FRMD4A: variants seen among roughly 807,000 people sequenced by gnomAD.
FRMD4A encodes FERM domain containing 4A, also known as FERM domain-containing protein 4A.
Under a neutral mutation model 129.1 loss-of-function variants are expected in FRMD4A, and 29 were observed. The observed-to-expected ratio is 0.22, with a 90% CI of 0.17 to 0.31. The LOEUF (loss-of-function observed/expected upper bound fraction) is 0.31, where lower values mean the gene tolerates loss of function less well. FRMD4A is among the 10% of genes least tolerant of loss of function. FRMD4A has a pLI of 1.00. For missense variants in FRMD4A, 1,272 were observed against 1,375.8 expected (o/e 0.92, Z 1.19); for synonymous variants, 634 against 571.6 (o/e 1.11, Z -1.56).
At chr10:14,313,116 G>A (rs1846614203) in intron 2 of FRMD4A, among the ~76,000 whole-genome samples, 1 of 152,016 alleles carries the variant, frequency 6.6e-6, no homozygotes, top group Non-Finnish European at 1.5e-5. Flanking sequence ...ATTTTGGGAG[G>A]CTGACATGGT....
At chr10:14,253,272 C>T (rs1284271934) in intron 2 of FRMD4A, among the ~76,000 whole-genome samples, 1 of 152,214 alleles carries the variant, frequency 6.6e-6, no homozygotes, top group African/African-American at 2.4e-5. Context: ...CAGAATCTGA[C>T]AGTGAGAAAC....
chr10:13,767,773 G>A, intron 6 of FRMD4A, among the ~76,000 whole-genome samples: 1 of 152,168 alleles, frequency 6.6e-6, no homozygotes, highest in Admixed American at 6.5e-5. Context: ...CTGCGCTTAT[G>A]CAATCCACAG....
rs145935036 is a variant in FRMD4A, at chr10:13,969,592, T to A, written c.46-110680A>T. Among the ~76,000 whole-genome samples the A allele has an allele frequency of 3.2e-4, 48 of 152,346 alleles. No individual in the cohort carries two copies. In the East Asian group the frequency reaches 8.9e-3, roughly 28 times the overall value. On this transcript the variant is annotated intron_variant, in intron 2 of 24. Coordinates refer to ENST00000357447, the MANE Select transcript of FRMD4A (RefSeq NM_018027.5). ...AGTGCCAGATGTGGTGGCCGACACC[T>A]GTTATCCCAGCGCTTTGGGAGGCCG...
At chr10:14,173,648 A>C (rs2131888959) in intron 2 of FRMD4A, among the ~76,000 whole-genome samples, 1 of 152,248 alleles carries the variant, frequency 6.6e-6, no homozygotes, top group South Asian at 2.1e-4. Flanking sequence ...TCCTCCTGCT[A>C]AACAGCAATA....
At chr10:13,902,204 TG>T (rs2094827697) in intron 2 of FRMD4A, among the ~76,000 whole-genome samples, 2 of 152,136 alleles carry the variant, frequency 1.3e-5, no homozygotes, top group South Asian at 2.1e-4. Context: ...TAAATTTTTT[TG>T]TAAAGATGGG....
chr10:14,024,824 T>TG (rs1832915092), intron 2 of FRMD4A, among the ~76,000 whole-genome samples: 1 of 152,220 alleles, frequency 6.6e-6, no homozygotes, highest in African/African-American at 2.4e-5. Flanking sequence ...TGGAATAGAC[T>TG]GTCTGACTCT....
chr10:14,176,096 C>G (rs1841715622), intron 2 of FRMD4A, among the ~76,000 whole-genome samples: 1 of 152,154 alleles, frequency 6.6e-6, no homozygotes, highest in South Asian at 2.1e-4. Flanking sequence ...TTCTTCTATT[C>G]ATGTAGTCAT....
chr10:13,818,299 G>T (rs988535695), intron 3 of FRMD4A, among the ~76,000 whole-genome samples: 6 of 151,922 alleles, frequency 3.9e-5, no homozygotes, highest in East Asian at 1.9e-4. Flanking sequence ...AGTAGGGGGG[G>T]ACTACAGGTA....
intron 4 of FRMD4A, among the ~76,000 whole-genome samples, chr10:13,803,588 T>C (rs1402870451): frequency 6.6e-6 from 1 of 151,990 alleles, no homozygotes; most frequent in Non-Finnish European, 1.5e-5. Context: ...TCTTCCCACC[T>C]CAGCCTCCCA....
chr10:13,785,934 C>T (rs1233145659), intron 5 of FRMD4A, among the ~76,000 whole-genome samples: 7 of 152,212 alleles, frequency 4.6e-5, no homozygotes, highest in Non-Finnish European at 8.8e-5. Context: ...ATCCATGTCC[C>T]TACAAAGCAC....
At chr10:14,058,882 T>G (rs1246821218) in intron 2 of FRMD4A, among the ~76,000 whole-genome samples, 1 of 152,142 alleles carries the variant, frequency 6.6e-6, no homozygotes, top group Non-Finnish European at 1.5e-5. Flanking sequence ...GACTTCTAGG[T>G]CACCTTGATC....
chr10:14,289,233 C>T (rs1381815169), intron 2 of FRMD4A, among the ~76,000 whole-genome samples: 2 of 152,078 alleles, frequency 1.3e-5, no homozygotes, highest in Non-Finnish European at 2.9e-5. Context: ...CTATTCCCAC[C>T]AACGGTGTAC....
intron 3 of FRMD4A, among the ~76,000 whole-genome samples, chr10:13,830,629 T>C (rs80207127): frequency 0.017 from 2,626 of 152,268 alleles, 109 homozygotes; most frequent in East Asian, 0.14. Context: ...AACCCCAGCA[T>C]TGCCATTGAA....
rs1250542441 is a variant in FRMD4A at position 13,656,616 on chromosome 10, A to T, written c.2953+20T>A. 1 of 1,382,236 alleles carries T rather than the reference A, an allele frequency of 7.2e-7. No homozygotes were observed. The highest frequency in any genetic ancestry group is 1.5e-5 in the African/African-American group (1 of 67,242). The allele number at this position is 1,382,236 out of a possible 1,614,324, so 85.6% of individuals were successfully genotyped here. On this transcript the variant is annotated intron_variant, in intron 22 of 24. Coordinates refer to ENST00000357447, the MANE Select transcript of FRMD4A (RefSeq NM_018027.5). ...TTCGCCCTCAGGTCTTCCCGCGTGC[A>T]CCTGGCCGCCCCCTCTCACCTGACG...
chr10:14,251,416 A>G lies in FRMD4A; in HGVS notation c.45+78642T>C, dbSNP rs150825652. On this transcript the variant is annotated intron_variant, in intron 2 of 24. Transcript: ENST00000357447. ...CAACAATGACAAGAATGATCTTGGA[A>G]GCAAATATCCCCCAGTTGAGCCTTC... Among the ~76,000 whole-genome samples, 28 of 152,298 alleles carry G rather than the reference A, an allele frequency of 1.8e-4. No individual in the cohort carries two copies. In the East Asian group the frequency reaches 5.4e-3, roughly 29 times the overall value.
intron 17 of FRMD4A, among the ~76,000 whole-genome samples, chr10:13,669,963 G>T (rs1564567150): frequency 6.6e-6 from 1 of 152,170 alleles, no homozygotes; most frequent in African/African-American, 2.4e-5. Flanking sequence ...CGGGGCGGTG[G>T]ACCCTACTGG....
At chr10:14,044,918 C>T (rs1397172166) in intron 2 of FRMD4A, among the ~76,000 whole-genome samples, 3 of 152,062 alleles carry the variant, frequency 2.0e-5, no homozygotes, top group Non-Finnish European at 4.4e-5. Flanking sequence ...ATTCTCTGGC[C>T]CCTTTTTCTT....
chr10:14,038,793 C>T (rs190330147), intron 2 of FRMD4A, among the ~76,000 whole-genome samples: 18 of 152,320 alleles, frequency 1.2e-4, no homozygotes, highest in Non-Finnish European at 2.4e-4. Flanking sequence ...TTGTTACCCA[C>T]GACTTTTATC....
chr10:14,055,458 C>A (rs66543495), intron 2 of FRMD4A, among the ~76,000 whole-genome samples: 3 of 14,304 alleles, frequency 2.1e-4, no homozygotes, highest in South Asian at 4.3e-3. Context: ...CACACACACA[C>A]ACAAACACAC....
Sources: gnomAD v4.1 joint callset for allele counts (sites outside exome capture counted in the v4.1 genomes callset) on GRCh38, gnomAD v4.1.1 for gene constraint, MANE v1.5 for transcripts, NCBI Gene and HGNC (gene_info 2026-07-23, HGNC 2026-07-21) for gene names.